The following THRB variants were observed in gnomAD, a reference collection of about 807,000 sequenced individuals.
THRB encodes thyroid hormone receptor beta, also known as nuclear receptor subfamily 1 group A member 2.
THRB carries 12 observed loss-of-function variants against 47.8 expected under a neutral mutation model. The observed-to-expected ratio is 0.25, with a 90% CI of 0.16 to 0.41. The LOEUF is 0.41. Ranked by LOEUF, THRB falls within the 10% of genes least tolerant of loss-of-function variation. The probability of loss-of-function intolerance (pLI) is 1.00; values close to 1 mark genes in which losing one functional copy is unlikely to be tolerated. For missense variants in THRB, 348 were observed against 589.2 expected (o/e 0.59, Z 4.24); for synonymous variants, 218 against 212.2 (o/e 1.03, Z -0.24).
intron 8 of THRB, among the ~76,000 whole-genome samples, chr3:24,139,228 A>T (rs2035104231): frequency 6.6e-6 from 1 of 152,234 alleles, no homozygotes; most frequent in African/African-American, 2.4e-5. Flanking sequence ...AGAAGCTTTA[A>T]AGAGTGGCTT....
intron 1 of THRB, among the ~76,000 whole-genome samples, chr3:24,477,085 GGTGTGTGTGTGT>G (rs71855335): frequency 0.014 from 1,929 of 137,582 alleles, 52 homozygotes; most frequent in African/African-American, 0.047. Context: ...CATATAAAGG[GGTGTGTGTGTGT>G]GTGTGTGTGT....
chr3:24,261,963 A>G (rs573937654), intron 3 of THRB, among the ~76,000 whole-genome samples: 117 of 152,050 alleles, frequency 7.7e-4, no homozygotes, highest in African/African-American at 2.7e-3. Flanking sequence ...ATCTGTACTT[A>G]CTCCCTTGGT....
At chr3:24,297,721 G>A (rs2056566603) in intron 2 of THRB, among the ~76,000 whole-genome samples, 1 of 152,196 alleles carries the variant, frequency 6.6e-6, no homozygotes, top group Admixed American at 6.5e-5. Flanking sequence ...TTAGAGAGCT[G>A]TTCCACACTT....
intron 1 of THRB, among the ~76,000 whole-genome samples, chr3:24,435,068 G>C (rs1480289792): frequency 6.6e-6 from 1 of 152,156 alleles, no homozygotes; most frequent in Non-Finnish European, 1.5e-5. Context: ...AGTGAAAAGA[G>C]GGAGGTGTTG....
In THRB at chr3:24,121,790, G is replaced by A. The variant is rs1450147332; in HGVS notation, c.*1094C>T. On this transcript the variant is annotated 3_prime_UTR_variant, in exon 11 of 11. Coordinates refer to ENST00000646209, the MANE Select transcript of THRB (RefSeq NM_001354712.2). Reference sequence around the variant, plus strand: ...GCAAGGAGCTTGAGGATCTAACCAGGAGGAAGCGTCCTCCAGCCATCAGGA... The same window carrying A: ...GCAAGGAGCTTGAGGATCTAACCAGAAGGAAGCGTCCTCCAGCCATCAGGA... 1 of 152,342 alleles carries A rather than the reference G, an allele frequency of 6.6e-6. No homozygotes were observed. Among genetic ancestry groups the A allele is most frequent in the Non-Finnish European group, 1.5e-5 (1 of 68,076 alleles). The allele number at this position is 152,342 out of a possible 1,614,324, so 9.4% of individuals were successfully genotyped here.
intron 1 of THRB, among the ~76,000 whole-genome samples, chr3:24,345,086 A>C (rs2062924916): frequency 6.6e-6 from 1 of 152,160 alleles, no homozygotes; most frequent in Admixed American, 6.6e-5. Flanking sequence ...ACTGAAAGGC[A>C]GAGATCAAAT....
intron 5 of THRB, among the ~76,000 whole-genome samples, chr3:24,152,745 G>C (rs1035835590): frequency 5.3e-5 from 8 of 151,982 alleles, no homozygotes; most frequent in African/African-American, 1.9e-4. Context: ...TGGATCACCT[G>C]GGGTCAGGAG....
chr3:24,428,582 A>T (rs1263726624), intron 1 of THRB, among the ~76,000 whole-genome samples: 4 of 152,060 alleles, frequency 2.6e-5, no homozygotes, highest in Non-Finnish European at 4.4e-5. Flanking sequence ...CAGCATCATG[A>T]TCAGATATCA....
chr3:24,467,170 A>C (rs1053008993), intron 1 of THRB, among the ~76,000 whole-genome samples: 1 of 152,232 alleles, frequency 6.6e-6, no homozygotes, highest in Non-Finnish European at 1.5e-5. Flanking sequence ...GCTCATCCAT[A>C]AGAAGCAACT....
At chr3:24,275,919 C>T (rs2053870821) in intron 3 of THRB, among the ~76,000 whole-genome samples, 1 of 152,160 alleles carries the variant, frequency 6.6e-6, no homozygotes, top group Non-Finnish European at 1.5e-5. Context: ...CTGATATACT[C>T]CAGAGGCTGA....
At chr3:24,251,001 C>T (rs939556482) in intron 3 of THRB, among the ~76,000 whole-genome samples, 1 of 151,668 alleles carries the variant, frequency 6.6e-6, no homozygotes, top group Non-Finnish European at 1.5e-5. Context: ...CTAAAATATA[C>T]TTAACTTAGA....
rs1417201389 is a variant in THRB, at chr3:24,321,481, T to C, written c.-189+15819A>G. Among the ~76,000 whole-genome samples the C allele has an allele frequency of 7.2e-5, 11 of 152,316 alleles. 1 individual carries two copies. In the South Asian group the frequency reaches 2.3e-3, roughly 32 times the overall value. On this transcript the variant is annotated intron_variant, in intron 2 of 10. Transcript: ENST00000646209. Reference sequence around the variant, plus strand: ...CATAGATTCCTTTTAAAATAATTTATGTAAATCCAAAAGGTCAACTATAAA... The same window carrying C: ...CATAGATTCCTTTTAAAATAATTTACGTAAATCCAAAAGGTCAACTATAAA...
chr3:24,238,073 C>T (rs1312365201), intron 3 of THRB: 7 of 151,988 alleles, frequency 4.6e-5, no homozygotes, highest in East Asian at 3.9e-4. Context: ...CTATCATCTC[C>T]GAACACTCCT....
chr3:24,377,754 T>C (rs1392854207), intron 1 of THRB, among the ~76,000 whole-genome samples: 1 of 152,124 alleles, frequency 6.6e-6, no homozygotes, highest in Non-Finnish European at 1.5e-5. Context: ...AAAAGCTGTG[T>C]CTTGGGCCAA....
Position 24,255,029 on chromosome 3 carries a change from T to C in THRB, c.-42-26028A>G, listed in dbSNP as rs116742885. On this transcript the variant is annotated intron_variant, in intron 3 of 10. Coordinates refer to ENST00000646209, the MANE Select transcript of THRB (RefSeq NM_001354712.2). ...TTATTGTATTCCCATAGAAATAGAG[T>C]GTCCTTGGGAAGAATGGAAAAATGG... 6.3e-3 allele frequency among the ~76,000 whole-genome samples: 957 copies of C among 152,266 alleles called. 11 individuals carry two copies. Among genetic ancestry groups the C allele is most frequent in the African/African-American group, 0.022 (910 of 41,552 alleles).
At chr3:24,469,344 A>C (rs2074389613) in intron 1 of THRB, among the ~76,000 whole-genome samples, 1 of 152,210 alleles carries the variant, frequency 6.6e-6, no homozygotes. Flanking sequence ...AGGCAGCCCC[A>C]TTAAGGGAGT....
chr3:24,141,321 C>T (rs3821440), intron 8 of THRB, among the ~76,000 whole-genome samples: 26,251 of 152,120 alleles, frequency 0.17, 2,441 homozygotes, highest in African/African-American at 0.22. Context: ...CCACACAGCA[C>T]GAAGATATTT....
intron 3 of THRB, among the ~76,000 whole-genome samples, chr3:24,280,226 G>A (rs565578083): frequency 7.9e-5 from 12 of 152,232 alleles, no homozygotes; most frequent in African/African-American, 2.2e-4. Flanking sequence ...CTCCCAGCAC[G>A]CAGCTGGAGA....
In THRB at chr3:24,198,317, G is replaced by A. The variant is rs773976233; in HGVS notation, c.23-7983C>T. Reference sequence around the variant, plus strand: ...TACATTCAAGAATTGCTATGGAAGCGTTATAGGTTATAGGACCTCACAGTG... The same window carrying A: ...TACATTCAAGAATTGCTATGGAAGCATTATAGGTTATAGGACCTCACAGTG... On this transcript the variant is annotated intron_variant, in intron 4 of 10. Coordinates refer to ENST00000646209, the MANE Select transcript of THRB (RefSeq NM_001354712.2). Among the ~76,000 whole-genome samples the A allele has an allele frequency of 4.6e-5, 7 of 152,160 alleles. No individual in the cohort carries two copies. The East Asian group carries it at 1.2e-3, about 25-fold the overall frequency.
Sources: gnomAD v4.1 joint callset for allele counts (sites outside exome capture counted in the v4.1 genomes callset) on GRCh38, gnomAD v4.1.1 for gene constraint, MANE v1.5 for transcripts, NCBI Gene and HGNC (gene_info 2026-07-23, HGNC 2026-07-21) for gene names.